Variants in SPIDR observed in about 807,000 individuals in gnomAD.
SPIDR encodes DNA repair-scaffolding protein.
Under a neutral mutation model 104.6 loss-of-function variants are expected in SPIDR, and 93 were observed. The observed-to-expected ratio is 0.89, with a 90% CI of 0.75 to 1.06. The LOEUF (loss-of-function observed/expected upper bound fraction) is 1.06. Ranked by LOEUF, SPIDR falls within the 50% of genes least tolerant of loss-of-function variation. The probability of loss-of-function intolerance (pLI) is 0.00; values close to 1 mark genes in which losing one functional copy is unlikely to be tolerated. For synonymous variants in SPIDR, 431 were observed against 416.9 expected, an observed-to-expected ratio of 1.03 and a Z score of -0.41; for missense variants, 1,154 against 1,111.2, an observed-to-expected ratio of 1.04 and a Z score of -0.55.
intron 6 of SPIDR, among the ~76,000 whole-genome samples, chr8:47,400,837 G>C (rs986074248): frequency 6.6e-6 from 1 of 152,014 alleles, no homozygotes; most frequent in African/African-American, 2.4e-5. Context: ...ATTATATCTT[G>C]AAAAGACAAA....
chr8:47,530,384 C>T (rs1045705302), intron 8 of SPIDR, among the ~76,000 whole-genome samples: 1 of 152,066 alleles, frequency 6.6e-6, no homozygotes, highest in Non-Finnish European at 1.5e-5. Flanking sequence ...GTGGAGGTTG[C>T]AGTGAGCTGA....
intron 10 of SPIDR, among the ~76,000 whole-genome samples, chr8:47,614,773 A>C (rs1302389925): frequency 6.6e-6 from 1 of 152,178 alleles, no homozygotes; most frequent in African/African-American, 2.4e-5. Context: ...AGGAATCACC[A>C]CACTGTCTTC....
chr8:47,546,721 C>T (rs1384015933), intron 8 of SPIDR: 1 of 167,370 alleles, frequency 6.0e-6, no homozygotes, highest in Non-Finnish European at 1.3e-5. Flanking sequence ...GTATACACAT[C>T]TTTTTAAATT....
intron 8 of SPIDR, among the ~76,000 whole-genome samples, chr8:47,568,395 G>A (rs1278770916): frequency 6.6e-6 from 1 of 152,168 alleles, no homozygotes; most frequent in Non-Finnish European, 1.5e-5. Flanking sequence ...AGGGTAGATG[G>A]CAGAGTAGAA....
At chr8:47,298,321 T>C (rs2041308672) in intron 5 of SPIDR, among the ~76,000 whole-genome samples, 1 of 152,194 alleles carries the variant, frequency 6.6e-6, no homozygotes, top group East Asian at 1.9e-4. Context: ...TTCTTGTAAA[T>C]TTGTTTGAGT....
At chr8:47,366,229 C>T (rs571959047) in intron 5 of SPIDR, among the ~76,000 whole-genome samples, 7 of 152,080 alleles carry the variant, frequency 4.6e-5, no homozygotes, top group African/African-American at 1.4e-4. Flanking sequence ...GAAGGTGAGG[C>T]GTCCCAGGGA....
Position 47,713,470 on chromosome 8 carries a change from GA to G in SPIDR, c.2189-17del. The G allele has an allele frequency of 6.2e-7, 1 of 1,614,018 alleles. No homozygotes were observed. The highest frequency in any genetic ancestry group is 8.5e-7 in the Non-Finnish European group (1 of 1,179,914). On this transcript the variant is annotated intron_variant, in intron 15 of 19. Transcript: ENST00000297423. The stretch of plus-strand genomic sequence containing the variant: ...TTTTTCTTCAAGGCTTCAATAACCT[GA>G]AGTGTCTCTGTCGGCAGGTCGGATT...
In SPIDR at chr8:47,439,220, C is replaced by T. The variant is rs1435979039; in HGVS notation, c.878-1103C>T. Reference sequence around the variant, plus strand: ...ACATAAATTTGAAACCCTCTGGGTTCCCCTCCTGAGTCATACTCCTCTTTC... The same window carrying T: ...ACATAAATTTGAAACCCTCTGGGTTTCCCTCCTGAGTCATACTCCTCTTTC... On this transcript the variant is annotated intron_variant, in intron 7 of 19. Coordinates refer to ENST00000297423, the MANE Select transcript of SPIDR (RefSeq NM_001080394.4). Among the ~76,000 whole-genome samples the T allele has an allele frequency of 3.3e-5, 5 of 152,124 alleles. 1 individual carries two copies. The highest frequency in any genetic ancestry group is 1.2e-4 in the African/African-American group (5 of 41,408).
intron 2 of SPIDR, 40 bp from the exon 3 acceptor site, chr8:47,283,984 TAGCA>T: frequency 1.4e-6 from 2 of 1,447,910 alleles, no homozygotes; most frequent in Admixed American, 2.0e-5. Flanking sequence ...AGTTTTTTTT[TAGCA>T]TTTGTCACAT....
At chr8:47,559,298 T>G (rs1364601073) in intron 8 of SPIDR, among the ~76,000 whole-genome samples, 2 of 152,240 alleles carry the variant, frequency 1.3e-5, no homozygotes, top group Admixed American at 1.3e-4. Flanking sequence ...TGTGTTACAT[T>G]TAACCATCCA....
At chr8:47,710,773 AT>A in intron 14 of SPIDR, among the ~76,000 whole-genome samples, 1 of 151,556 alleles carries the variant, frequency 6.6e-6, no homozygotes, top group Non-Finnish European at 1.5e-5. Context: ...TGGCCCACTA[AT>A]TTTTTTAATT....
intron 11 of SPIDR, among the ~76,000 whole-genome samples, chr8:47,680,144 C>T (rs975089632): frequency 6.6e-6 from 1 of 152,192 alleles, no homozygotes; most frequent in Admixed American, 6.5e-5. Context: ...GGAAAGTGAA[C>T]ATGGGCATGT....
At chr8:47,732,883 G>A (rs1041315680) in intron 19 of SPIDR, among the ~76,000 whole-genome samples, 1 of 152,318 alleles carries the variant, frequency 6.6e-6, no homozygotes, top group South Asian at 2.1e-4. Context: ...GTCTGTAGTT[G>A]TGCATCTCAT....
At chr8:47,534,753 A>C (rs192215133) in intron 8 of SPIDR, among the ~76,000 whole-genome samples, 1 of 152,290 alleles carries the variant, frequency 6.6e-6, no homozygotes, top group African/African-American at 2.4e-5. Context: ...TATGTAACAA[A>C]CCTTCACATG....
At chr8:47,316,545 T>TA (rs2045379843) in intron 5 of SPIDR, among the ~76,000 whole-genome samples, 1 of 152,234 alleles carries the variant, frequency 6.6e-6, no homozygotes, top group Non-Finnish European at 1.5e-5. Flanking sequence ...ACTGTCTTGG[T>TA]ACATCAACAA....
intron 8 of SPIDR, among the ~76,000 whole-genome samples, chr8:47,503,884 T>C (rs1251951633): frequency 6.6e-6 from 1 of 152,212 alleles, no homozygotes; most frequent in Non-Finnish European, 1.5e-5. Context: ...TATTTCTCCT[T>C]CACTCATGAA....
chr8:47,279,957 C>A lies in SPIDR; in HGVS notation c.129C>A (p.Ala43=). 6.2e-7 allele frequency: 1 copy of A among 1,613,908 alleles called. No individual in the cohort carries two copies. Among genetic ancestry groups the A allele is most frequent in the Non-Finnish European group, 8.5e-7 (1 of 1,179,818 alleles). The change falls in exon 2 of 20, where the codon GCC becomes GCA. Residue 43 remains alanine, a synonymous_variant. Transcript: ENST00000297423. ...GTCTCAGGACAGCAGGGGCAGCTGC[C>A]TCTCTCTCTGAAGCATGGCTCAGGT... The part of the protein sequence containing the change: ...RAGLRTAGAA[A]SLSEAWLRCG...
intron 8 of SPIDR, among the ~76,000 whole-genome samples, chr8:47,532,792 A>G (rs983690408): frequency 6.6e-6 from 1 of 152,232 alleles, no homozygotes; most frequent in African/African-American, 2.4e-5. Flanking sequence ...TCTAATTTAC[A>G]TTTATAGAAT....
chr8:47,640,154 G>C (rs144464336), intron 10 of SPIDR, among the ~76,000 whole-genome samples: 1 of 152,264 alleles, frequency 6.6e-6, no homozygotes, highest in African/African-American at 2.4e-5. Context: ...CAACACACTG[G>C]ATGCCCCATT....
Sources: allele counts gnomAD v4.1 joint callset (sites outside exome capture counted in the v4.1 genomes callset), GRCh38; gene constraint gnomAD v4.1.1; transcripts MANE v1.5; gene names NCBI Gene and HGNC (gene_info 2026-07-23, HGNC 2026-07-21).